The following ADAMTSL1 variants were observed in gnomAD, a reference collection of about 807,000 sequenced individuals.
ADAMTSL1 encodes ADAMTS like 1.
In ADAMTSL1, 126 loss-of-function variants were observed where a neutral mutation model predicts 201.8. The ratio of observed to expected loss-of-function variants is 0.62; its 90% CI spans 0.54 to 0.72. The LOEUF (loss-of-function observed/expected upper bound fraction) is 0.72. Among genes scored for constraint, ADAMTSL1 ranks in the 30% least tolerant of loss-of-function variants. The pLI is 0.00. For synonymous variants in ADAMTSL1, 1,121 were observed against 903.4 expected, an observed-to-expected ratio of 1.24 and a Z score of -4.32; for missense variants, 2,679 against 2,277.8, an observed-to-expected ratio of 1.18 and a Z score of -3.59.
At chr9:17,980,206 T>C (rs1818631227) in intron 1 of ADAMTSL1, among the ~76,000 whole-genome samples, 1 of 152,188 alleles carries the variant, frequency 6.6e-6, no homozygotes, top group Non-Finnish European at 1.5e-5. Flanking sequence ...TTCTCACCTG[T>C]ATTCATTAGA....
chr9:18,675,557 T>A (rs114977833), intron 9 of ADAMTSL1, among the ~76,000 whole-genome samples: 240 of 152,250 alleles, frequency 1.6e-3, no homozygotes, highest in African/African-American at 5.5e-3. Context: ...ACATTTACAA[T>A]CTTATGGTGT....
intron 2 of ADAMTSL1, among the ~76,000 whole-genome samples, chr9:18,354,048 C>CAT (rs10623938): frequency 0.64 from 90,677 of 142,322 alleles, 29,215 homozygotes; most frequent in East Asian, 0.79. Flanking sequence ...TTTTTCTATA[C>CAT]ATATATATAT....
At chr9:18,060,049 C>A (rs1468129217) in intron 1 of ADAMTSL1, among the ~76,000 whole-genome samples, 1 of 152,120 alleles carries the variant, frequency 6.6e-6, no homozygotes, top group Non-Finnish European at 1.5e-5. Flanking sequence ...CCTAGCTACC[C>A]AGTTGAGCTC....
At chr9:18,077,574 G>C (rs1823289346) in intron 1 of ADAMTSL1, among the ~76,000 whole-genome samples, 1 of 152,190 alleles carries the variant, frequency 6.6e-6, no homozygotes, top group Non-Finnish European at 1.5e-5. Context: ...TCACTGAGAA[G>C]TTTCAAAGAA....
intron 23 of ADAMTSL1, among the ~76,000 whole-genome samples, chr9:18,830,597 G>A (rs375311383): frequency 6.6e-6 from 1 of 152,068 alleles, no homozygotes; most frequent in Non-Finnish European, 1.5e-5. Context: ...TGGTAGCAAG[G>A]AGTTGTACGA....
intron 1 of ADAMTSL1, among the ~76,000 whole-genome samples, chr9:17,988,955 T>A (rs1229037982): frequency 6.6e-6 from 1 of 151,938 alleles, no homozygotes; most frequent in Non-Finnish European, 1.5e-5. Context: ...TGCATGACAT[T>A]AAATACTAAG....
intron 2 of ADAMTSL1, among the ~76,000 whole-genome samples, chr9:18,269,299 C>T (rs1026046140): frequency 3.0e-4 from 45 of 152,212 alleles, no homozygotes; most frequent in African/African-American, 1.1e-3. Context: ...GCCCACAGAG[C>T]TTAGCATAGG....
chr9:18,377,186 C>T (rs1053498765), intron 2 of ADAMTSL1, among the ~76,000 whole-genome samples: 1 of 152,216 alleles, frequency 6.6e-6, no homozygotes, highest in Non-Finnish European at 1.5e-5. Context: ...GCGTCATTTA[C>T]TAGCTGTGTA....
chr9:18,162,781 C>T (rs1827452433), intron 1 of ADAMTSL1, among the ~76,000 whole-genome samples: 1 of 151,832 alleles, frequency 6.6e-6, no homozygotes, highest in Admixed American at 6.6e-5. Flanking sequence ...GTTAAAAAGA[C>T]AATGTGATAT....
At chr9:18,220,034 T>G (rs1830198307) in intron 2 of ADAMTSL1, among the ~76,000 whole-genome samples, 1 of 152,176 alleles carries the variant, frequency 6.6e-6, no homozygotes, top group Non-Finnish European at 1.5e-5. Flanking sequence ...ACTAGCTACC[T>G]TGGCCTAGAG....
intron 1 of ADAMTSL1, among the ~76,000 whole-genome samples, chr9:18,067,989 A>T (rs986035979): frequency 1.3e-5 from 2 of 152,190 alleles, no homozygotes; most frequent in Non-Finnish European, 2.9e-5. Flanking sequence ...TAATTTTTTT[A>T]AAAACAAAAC....
At chr9:18,889,239 A>G (rs886076546) in intron 24 of ADAMTSL1, among the ~76,000 whole-genome samples, 1 of 152,222 alleles carries the variant, frequency 6.6e-6, no homozygotes, top group African/African-American at 2.4e-5. Context: ...AATATCTTTA[A>G]AAATAAGATG....
intron 4 of ADAMTSL1, among the ~76,000 whole-genome samples, chr9:18,575,347 GT>G (rs1387323511): frequency 1.3e-5 from 2 of 152,114 alleles, no homozygotes; most frequent in African/African-American, 2.4e-5. Flanking sequence ...TCATATAGGA[GT>G]TTGTCACTGA....
At chr9:18,328,614 C>G (rs1483699065) in intron 2 of ADAMTSL1, among the ~76,000 whole-genome samples, 1 of 152,208 alleles carries the variant, frequency 6.6e-6, no homozygotes, top group Non-Finnish European at 1.5e-5. Flanking sequence ...AACAAGCAGT[C>G]TGGCACTAAA....
intron 7 of ADAMTSL1, 82 bp from the exon 8 acceptor site, chr9:18,657,557 C>G (rs1828772575): frequency 4.0e-6 from 4 of 1,002,516 alleles, no homozygotes; most frequent in Non-Finnish European, 6.3e-6. Context: ...TCAGCACTAC[C>G]ATATACTCTT....
At chr9:17,918,905 C>T (rs1826200612) in intron 1 of ADAMTSL1, among the ~76,000 whole-genome samples, 1 of 151,606 alleles carries the variant, frequency 6.6e-6, no homozygotes, top group Non-Finnish European at 1.5e-5. Context: ...GTGAGTTGAC[C>T]CTTTATTATG....
chr9:18,711,579 C>A (rs201720503), intron 14 of ADAMTSL1, among the ~76,000 whole-genome samples: 51 of 152,310 alleles, frequency 3.3e-4, no homozygotes, highest in East Asian at 1.7e-3. Context: ...TATCCCGCAC[C>A]TGGCTCGGAG....
chr9:18,632,735 T>C (rs1397213705), intron 5 of ADAMTSL1, among the ~76,000 whole-genome samples: 1 of 152,144 alleles, frequency 6.6e-6, no homozygotes, highest in Non-Finnish European at 1.5e-5. Context: ...TGGCCAGGGG[T>C]CCATCAGCCC....
intron 1 of ADAMTSL1, among the ~76,000 whole-genome samples, chr9:18,016,842 A>T (rs1820279965): frequency 6.6e-6 from 1 of 152,070 alleles, no homozygotes; most frequent in Non-Finnish European, 1.5e-5. Flanking sequence ...TGGTCAGTAT[A>T]ATCAAACTTT....
Sources: gnomAD v4.1 joint callset for allele counts (sites outside exome capture counted in the v4.1 genomes callset) on GRCh38, gnomAD v4.1.1 for gene constraint, MANE v1.5 for transcripts, NCBI Gene and HGNC (gene_info 2026-07-23, HGNC 2026-07-21) for gene names.